The following CLMP variants were observed in gnomAD, a reference collection of about 807,000 sequenced individuals.
CLMP encodes the protein CXADR like cell adhesion molecule.
A neutral mutation model predicts 45.2 loss-of-function variants in CLMP; 27 were observed. The ratio of observed to expected loss-of-function variants is 0.60; its 90% CI spans 0.44 to 0.82. The LOEUF is 0.82. Ranked by LOEUF, CLMP falls within the 40% of genes least tolerant of loss-of-function variation. The probability of loss-of-function intolerance (pLI) is 0.00; values close to 1 mark genes in which losing one functional copy is unlikely to be tolerated. For synonymous variants in CLMP, 167 were observed against 171.4 expected, an observed-to-expected ratio of 0.97 and a Z score of 0.20; for missense variants, 403 against 448.4, an observed-to-expected ratio of 0.90 and a Z score of 0.91.
chr11:123,079,019 G>A (rs1865771770), intron 5 of CLMP, among the ~76,000 whole-genome samples: 1 of 151,674 alleles, frequency 6.6e-6, no homozygotes, highest in East Asian at 1.9e-4. Context: ...CTCAGGTGAT[G>A]CGCCCAGCTT....
chr11:123,069,895 A>G lies in CLMP; in HGVS notation c.*3579T>C, dbSNP rs976121973. The G allele has an allele frequency of 6.6e-6, 1 of 152,204 alleles. No homozygotes were observed. Among genetic ancestry groups the G allele is most frequent in the African/African-American group, 2.4e-5 (1 of 41,456 alleles). 9.4% of individuals were successfully genotyped at this position (152,204 alleles called of 1,614,324 possible). ...TATCACTTTTACTTGTTTATTTTTT[A>G]ATTGCTGATACAGATGCATCCATAA... On this transcript the variant is annotated 3_prime_UTR_variant, in exon 7 of 7. Transcript: ENST00000448775.
chr11:123,153,230 C>T (rs1005977864), intron 1 of CLMP, among the ~76,000 whole-genome samples: 7 of 152,320 alleles, frequency 4.6e-5, no homozygotes, highest in African/African-American at 1.7e-4. Context: ...CTCTTCTCCT[C>T]TCCCCCAGGC....
intron 1 of CLMP, among the ~76,000 whole-genome samples, chr11:123,181,849 A>G (rs1433252551): frequency 1.3e-5 from 2 of 152,262 alleles, no homozygotes; most frequent in Admixed American, 1.3e-4. Context: ...AGCAGAAATC[A>G]GCTTTGTCTG....
chr11:123,127,203 C>A (rs1474459047), intron 1 of CLMP, among the ~76,000 whole-genome samples: 1 of 152,004 alleles, frequency 6.6e-6, no homozygotes, highest in Non-Finnish European at 1.5e-5. Context: ...CTCGCTGCAA[C>A]CTGCGCCTCC....
chr11:123,090,106 A>T (rs1039888256), intron 2 of CLMP, among the ~76,000 whole-genome samples: 4 of 151,032 alleles, frequency 2.6e-5, no homozygotes, highest in Non-Finnish European at 5.9e-5. Flanking sequence ...AAAAAAAAAA[A>T]TTTCTTATCA....
intron 1 of CLMP, among the ~76,000 whole-genome samples, chr11:123,168,216 T>C (rs141017011): frequency 8.3e-6 from 1 of 120,200 alleles, no homozygotes; most frequent in Non-Finnish European, 1.6e-5. Flanking sequence ...AAGTGGTACC[T>C]ATGCTTTTTC....
At chr11:123,080,359 G>C (rs540518204) in intron 5 of CLMP, among the ~76,000 whole-genome samples, 1 of 141,878 alleles carries the variant, frequency 7.0e-6, no homozygotes, top group East Asian at 2.0e-4. Flanking sequence ...ATGGAGTTTC[G>C]CTCTTGTTGC....
chr11:123,085,460 G>C (rs1865853227), intron 2 of CLMP, among the ~76,000 whole-genome samples: 1 of 151,954 alleles, frequency 6.6e-6, no homozygotes, highest in African/African-American at 2.4e-5. Context: ...TGTTGGCCAG[G>C]CTGGTCTTGA....
chr11:123,133,214 G>A (rs1311991937), intron 1 of CLMP, among the ~76,000 whole-genome samples: 5 of 152,132 alleles, frequency 3.3e-5, no homozygotes, highest in African/African-American at 1.2e-4. Flanking sequence ...AAAGCGTAAT[G>A]GAGCAAAATC....
intron 2 of CLMP, 56 bp from the exon 3 acceptor site, chr11:123,084,769 G>A: frequency 6.7e-7 from 1 of 1,502,514 alleles, no homozygotes; most frequent in South Asian, 1.1e-5. Context: ...TGCCTTTCCT[G>A]ATGGTGTGAA....
chr11:123,092,511 T>TG (rs2135476720), intron 2 of CLMP, among the ~76,000 whole-genome samples: 1 of 152,238 alleles, frequency 6.6e-6, no homozygotes, highest in East Asian at 1.9e-4. Context: ...TTGGCCAGGT[T>TG]GGTCTTGAAC....
intron 1 of CLMP, among the ~76,000 whole-genome samples, chr11:123,160,977 CAAAA>C (rs547809662): frequency 6.2e-5 from 4 of 64,366 alleles, no homozygotes; most frequent in Admixed American, 3.6e-4. Flanking sequence ...GACCCTGCCT[CAAAA>C]AAAAAAAAAA....
At chr11:123,166,577 A>G (rs568865872) in intron 1 of CLMP, among the ~76,000 whole-genome samples, 1 of 152,350 alleles carries the variant, frequency 6.6e-6, no homozygotes, top group East Asian at 1.9e-4. Context: ...AGAACAGGTC[A>G]GCAAGACATG....
rs190469624 is a variant in CLMP at position 123,112,935 on chromosome 11, T to G, written c.29-14983A>C. ...ACTACAGGTGCCCGCCACCACGCCCTGCTAATTTTTTGTATTTTTAGTAGA... is the reference window on the plus strand; with the variant it reads ...ACTACAGGTGCCCGCCACCACGCCCGGCTAATTTTTTGTATTTTTAGTAGA... On this transcript the variant is annotated intron_variant, in intron 1 of 6. Coordinates refer to ENST00000448775, the MANE Select transcript of CLMP (RefSeq NM_024769.5). 3.7e-4 allele frequency among the ~76,000 whole-genome samples: 55 copies of G among 146,872 alleles called. No individual in the cohort carries two copies. In the East Asian group the frequency reaches 0.01, roughly 27 times the overall value.
At chr11:123,150,534 AAC>A (rs1861317621) in intron 1 of CLMP, among the ~76,000 whole-genome samples, 17 of 116,330 alleles carry the variant, frequency 1.5e-4, no homozygotes, top group African/African-American at 5.6e-4. Context: ...GAAGGAAAGA[AAC>A]AAGCAAGGAA....
chr11:123,115,003 T>G (rs1045327444), intron 1 of CLMP, among the ~76,000 whole-genome samples: 1 of 152,150 alleles, frequency 6.6e-6, no homozygotes, highest in Non-Finnish European at 1.5e-5. Flanking sequence ...TGGATTCCCC[T>G]TAAAGCTTTC....
chr11:123,107,676 T>C (rs1301684531), intron 1 of CLMP, among the ~76,000 whole-genome samples: 1 of 152,064 alleles, frequency 6.6e-6, no homozygotes, highest in African/African-American at 2.4e-5. Context: ...TGTTGCATTT[T>C]GAAAGACAGG....
At chr11:123,089,790 A>G (rs1287816372) in intron 2 of CLMP, among the ~76,000 whole-genome samples, 6 of 136,094 alleles carry the variant, frequency 4.4e-5, no homozygotes, top group Admixed American at 7.6e-5. Flanking sequence ...AAAAAAAAAA[A>G]AAAGAAAAAG....
chr11:123,139,670 G>T (rs1040443709), intron 1 of CLMP, among the ~76,000 whole-genome samples: 1 of 152,100 alleles, frequency 6.6e-6, no homozygotes, highest in African/African-American at 2.4e-5. Context: ...ACTAAAATTA[G>T]CTGGGCATGG....
Sources: gnomAD v4.1 joint callset for allele counts (sites outside exome capture counted in the v4.1 genomes callset) on GRCh38, gnomAD v4.1.1 for gene constraint, MANE v1.5 for transcripts, NCBI Gene and HGNC (gene_info 2026-07-23, HGNC 2026-07-21) for gene names.